The following RBM47 variants were observed in gnomAD, a reference collection of about 807,000 sequenced individuals.
RBM47 encodes RNA binding motif protein 47, also known as RNA-binding protein 47.
A neutral mutation model predicts 47.1 loss-of-function variants in RBM47; 21 were observed. That is an observed-to-expected ratio of 0.45 (90% CI 0.32 to 0.64). The LOEUF (loss-of-function observed/expected upper bound fraction) is 0.64. Ranked by LOEUF, RBM47 falls within the 30% of genes least tolerant of loss-of-function variation. RBM47 has a pLI of 0.05. For missense variants in RBM47, 708 were observed against 870.9 expected (o/e 0.81, Z 2.35); for synonymous variants, 375 against 361.7 (o/e 1.04, Z -0.42).
Position 40,436,467 on chromosome 4 carries a change from T to C in RBM47, c.1304A>G (p.Asn435Ser). Residue 435 changes from asparagine to serine, a missense_variant, in exon 5 of 7, where the codon AAC becomes AGC. Coordinates refer to ENST00000295971, the MANE Select transcript of RBM47 (RefSeq NM_001098634.2). The stretch of plus-strand genomic sequence containing the variant: ...TGTACCAGGTTTAATGGCAACTGGG[T>C]TGACGGTAGGGATTTCCAAATTCGG... ...LVPNLEIPTV[N>S]PVAIKPGTVA... is the part of the protein sequence containing the mutation. The C allele has an allele frequency of 2.5e-6, 4 of 1,613,998 alleles. No individual in the cohort carries two copies. Among genetic ancestry groups the C allele is most frequent in the Non-Finnish European group, 3.4e-6 (4 of 1,180,028 alleles).
At chr4:40,478,377 T>C (rs1321010163) in intron 2 of RBM47, among the ~76,000 whole-genome samples, 1 of 152,162 alleles carries the variant, frequency 6.6e-6, no homozygotes, top group Non-Finnish European at 1.5e-5. Flanking sequence ...GGAGTGATCC[T>C]TTGTCTTTTA....
intron 1 of RBM47, among the ~76,000 whole-genome samples, chr4:40,583,898 A>G (rs1002180236): frequency 6.0e-5 from 9 of 151,094 alleles, no homozygotes; most frequent in Admixed American, 5.9e-4. Flanking sequence ...AAAAACCAAA[A>G]AGCAGAATGA....
rs1322460266 is a variant in RBM47 at position 40,435,548 on chromosome 4, A to AAAC, written c.1330+890_1330+892dup. 2.0e-5 allele frequency among the ~76,000 whole-genome samples: 3 copies of AAAC among 152,070 alleles called. No homozygotes were observed. In the East Asian group the frequency reaches 5.8e-4, roughly 29 times the overall value. ...GGGTGACACAGCAAGACTCCATCTC[A>AAAC]AACAACAACAAAACTTTCACCACTG... On this transcript the variant is annotated intron_variant, in intron 5 of 6. Coordinates refer to ENST00000295971, the MANE Select transcript of RBM47 (RefSeq NM_001098634.2).
chr4:40,612,215 C>G (rs549119241), intron 1 of RBM47, among the ~76,000 whole-genome samples: 1 of 152,116 alleles, frequency 6.6e-6, no homozygotes, highest in Non-Finnish European at 1.5e-5. Context: ...ATCTAGGGTC[C>G]GTATCTAACT....
At chr4:40,539,890 A>G (rs1728342196) in intron 2 of RBM47, among the ~76,000 whole-genome samples, 1 of 152,132 alleles carries the variant, frequency 6.6e-6, no homozygotes, top group African/African-American at 2.4e-5. Context: ...CCATTTACCA[A>G]AGAAACAATG....
chr4:40,575,857 G>A (rs1035626173), intron 1 of RBM47, among the ~76,000 whole-genome samples: 1 of 152,226 alleles, frequency 6.6e-6, no homozygotes, highest in Non-Finnish European at 1.5e-5. Context: ...CTCTGTGCTT[G>A]TTCTCACACA....
chr4:40,592,171 G>A (rs888160489), intron 1 of RBM47, among the ~76,000 whole-genome samples: 2 of 152,106 alleles, frequency 1.3e-5, no homozygotes, highest in African/African-American at 4.8e-5. Flanking sequence ...CATCAAAGTA[G>A]AGTACAGGGG....
chr4:40,431,612 G>C (rs923437354), intron 6 of RBM47, among the ~76,000 whole-genome samples: 28 of 151,074 alleles, frequency 1.9e-4, no homozygotes, highest in Admixed American at 6.6e-5. Context: ...GAGCCGAGAT[G>C]GCGCCACTGC....
intron 2 of RBM47, among the ~76,000 whole-genome samples, chr4:40,512,579 A>G (rs1168667544): frequency 6.7e-6 from 1 of 149,666 alleles, no homozygotes; most frequent in Non-Finnish European, 1.5e-5. Flanking sequence ...GCTGGAGATG[A>G]TGGTGGCTGC....
At chr4:40,575,557 A>AAAAAAAAAAAAAAC (rs1553903790) in intron 1 of RBM47, among the ~76,000 whole-genome samples, 3 of 150,342 alleles carry the variant, frequency 2.0e-5, no homozygotes, top group Non-Finnish European at 4.4e-5. Context: ...CATCTCAAAA[A>AAAAAAAAAAAAAAC]AAAAAAAAAA....
rs763890818 is a variant in RBM47 at position 40,432,736 on chromosome 4, G to A, written c.1457C>T (p.Pro486Leu). The change falls in exon 6 of 7, where the codon CCA (proline) becomes CTA (leucine). Residue 486 changes from proline to leucine, a missense_variant. Transcript: ENST00000295971. The stretch of plus-strand genomic sequence containing the variant: ...GGCTGCGGCGGCAGCAGCACTGGCT[G>A]GGTCTGGCTGCACAGCAATGGGGCT... ...MISPIAVQPD[P>L]ASAAAAAAAA... 6.2e-7 allele frequency: 1 copy of A among 1,612,812 alleles called. No homozygotes were observed. Among genetic ancestry groups the A allele is most frequent in the Admixed American group, 1.7e-5 (1 of 59,882 alleles).
intron 2 of RBM47, among the ~76,000 whole-genome samples, chr4:40,529,777 C>G (rs1207544535): frequency 6.7e-6 from 1 of 148,428 alleles, no homozygotes; most frequent in Non-Finnish European, 1.5e-5. Context: ...TGCAGTGAGC[C>G]GAGATTGTGC....
intron 2 of RBM47, among the ~76,000 whole-genome samples, chr4:40,511,204 C>A (rs1172219650): frequency 6.6e-6 from 1 of 152,248 alleles, no homozygotes; most frequent in African/African-American, 2.4e-5. Flanking sequence ...GCCAGAATCA[C>A]CTTGAAAGGT....
At position 40,628,550 on chromosome 4, in the gene RBM47, C is replaced by T. The variant is rs1737944354; in HGVS notation, c.-240+846G>A. On this transcript the variant is annotated intron_variant, in intron 1 of 6. Coordinates refer to ENST00000295971, the MANE Select transcript of RBM47 (RefSeq NM_001098634.2). This position sits in a 1 kb window ranked among gnomAD's most constrained non-coding sequence, Gnocchi z 4.0. ...TTCATGTTGGGTTGTCAACCCTTTG[C>T]TTTCCCTCCCCTGAGAAATTCGTAT... 1.3e-5 allele frequency among the ~76,000 whole-genome samples: 2 copies of T among 152,286 alleles called. No homozygotes were observed. Among genetic ancestry groups the T allele is most frequent in the South Asian group, 4.1e-4 (2 of 4,826 alleles).
chr4:40,548,435 G>A (rs532914503), intron 1 of RBM47, among the ~76,000 whole-genome samples: 28 of 152,322 alleles, frequency 1.8e-4, no homozygotes, highest in South Asian at 1.5e-3. Context: ...AATCAGGAAG[G>A]TGACATCACC....
chr4:40,482,061 T>C (rs1340672902), intron 2 of RBM47, among the ~76,000 whole-genome samples: 1 of 152,190 alleles, frequency 6.6e-6, no homozygotes, highest in Non-Finnish European at 1.5e-5. Context: ...AACTGGGAGC[T>C]AATAATCCTC....
Position 40,457,432 on chromosome 4 carries a change from A to G in RBM47, c.-32+9145T>C, listed in dbSNP as rs796148873. Among the ~76,000 whole-genome samples, 76 of 151,848 alleles carry G rather than the reference A, an allele frequency of 5.0e-4. 1 individual carries two copies. Among genetic ancestry groups the G allele is most frequent in the African/African-American group, 1.8e-3 (74 of 41,428 alleles). Reference sequence around the variant, plus strand: ...AGTGAGACTCCATCTCAAAAAAAAAAAAAAAACAAAAAAAAGGCATTTTAA... The same window carrying G: ...AGTGAGACTCCATCTCAAAAAAAAAGAAAAAACAAAAAAAAGGCATTTTAA... On this transcript the variant is annotated intron_variant, in intron 3 of 6. Coordinates refer to ENST00000295971, the MANE Select transcript of RBM47 (RefSeq NM_001098634.2).
intron 1 of RBM47, among the ~76,000 whole-genome samples, chr4:40,546,610 A>C (rs1045699455): frequency 5.3e-5 from 8 of 152,202 alleles, no homozygotes; most frequent in African/African-American, 1.4e-4. Context: ...CCAGCTCAGT[A>C]ATCATTTGTT....
At chr4:40,557,554 G>A (rs541195312) in intron 1 of RBM47, among the ~76,000 whole-genome samples, 5 of 152,226 alleles carry the variant, frequency 3.3e-5, no homozygotes, top group Admixed American at 1.3e-4. Flanking sequence ...TTCAAGACCA[G>A]CCTGGCCAAC....
Sources: allele counts gnomAD v4.1 joint callset (sites outside exome capture counted in the v4.1 genomes callset), GRCh38; gene constraint gnomAD v4.1.1; non-coding constraint Gnocchi (gnomAD v3.1); transcripts MANE v1.5; gene names NCBI Gene and HGNC (gene_info 2026-07-23, HGNC 2026-07-21).